The following DMRT1 variants were observed in gnomAD, a reference collection of about 807,000 sequenced individuals.
DMRT1 encodes doublesex and mab-3 related transcription factor 1.
DMRT1 carries 7 observed loss-of-function variants against 32.3 expected under a neutral mutation model. The ratio of observed to expected loss-of-function variants is 0.22; its 90% confidence interval spans 0.12 to 0.41. The LOEUF (loss-of-function observed/expected upper bound fraction) is 0.41. DMRT1 is among the 10% of genes least tolerant of loss of function. The pLI, the probability that DMRT1 is intolerant of heterozygous loss-of-function variation, is 1.00. For missense variants in DMRT1, 625 were observed against 500.5 expected (o/e 1.25, Z -2.37); for synonymous variants, 278 against 206.1 (o/e 1.35, Z -2.99).
At chr9:888,771 G>C (rs577926554) in intron 2 of DMRT1, among the ~76,000 whole-genome samples, 1 of 143,702 alleles carries the variant, frequency 7.0e-6, no homozygotes, top group Non-Finnish European at 1.5e-5. Context: ...TAGGAATAGC[G>C]TGTGGAGCAG....
chr9:863,080 T>G (rs1359635717), intron 2 of DMRT1, among the ~76,000 whole-genome samples: 1 of 143,876 alleles, frequency 7.0e-6, no homozygotes, highest in African/African-American at 2.6e-5. Context: ...TCTGGGAGGC[T>G]GAGGCTGAAG....
intron 2 of DMRT1, among the ~76,000 whole-genome samples, chr9:889,451 A>G (rs1387138928): frequency 2.0e-5 from 3 of 152,246 alleles, no homozygotes; most frequent in Non-Finnish European, 2.9e-5. Flanking sequence ...AAAGCTTGGT[A>G]TAACTTGAAA....
intron 2 of DMRT1, among the ~76,000 whole-genome samples, chr9:860,435 C>T (rs1238749986): frequency 6.6e-6 from 1 of 152,200 alleles, no homozygotes; most frequent in Non-Finnish European, 1.5e-5. Flanking sequence ...AGTTTGCTGT[C>T]TGAGCAAGAT....
At chr9:869,201 G>A (rs1221905157) in intron 2 of DMRT1, among the ~76,000 whole-genome samples, 1 of 152,096 alleles carries the variant, frequency 6.6e-6, no homozygotes, top group Non-Finnish European at 1.5e-5. Flanking sequence ...GAATTTCAAG[G>A]ATATTCTACT....
intron 4 of DMRT1, among the ~76,000 whole-genome samples, chr9:928,573 C>G (rs1008310696): frequency 1.3e-5 from 2 of 152,140 alleles, no homozygotes; most frequent in African/African-American, 4.8e-5. Flanking sequence ...AACTTGACCT[C>G]TAGGGGCAGT....
At chr9:861,970 T>C (rs1815717952) in intron 2 of DMRT1, among the ~76,000 whole-genome samples, 1 of 142,218 alleles carries the variant, frequency 7.0e-6, no homozygotes, top group Admixed American at 7.0e-5. Context: ...CGCTCCTCAC[T>C]TCCTAGACGG....
At chr9:891,951 G>A (rs914869720) in intron 2 of DMRT1, among the ~76,000 whole-genome samples, 1 of 152,220 alleles carries the variant, frequency 6.6e-6, no homozygotes, top group Non-Finnish European at 1.5e-5. Flanking sequence ...GGACACAGTG[G>A]TGTGCCCGGA....
In DMRT1 at chr9:863,149, C is replaced by CAAAA. The variant is rs55759836; in HGVS notation, c.538+16022_538+16025dup. Among the ~76,000 whole-genome samples the CAAAA allele has an allele frequency of 6.0e-4, 59 of 98,268 alleles. 3 individuals carry two copies. Among genetic ancestry groups the CAAAA allele is most frequent in the Middle Eastern group, 0.011 (2 of 184 alleles). 64.5% of individuals were successfully genotyped at this position (98,268 alleles called of 152,430 possible). On this transcript the variant is annotated intron_variant, in intron 2 of 4. Transcript: ENST00000382276. ...GGGCAACAGCGAGATCAGGTCTCTA[C>CAAAA]AAAAAAAAAAAAAAAAAAATTAGCC...
intron 2 of DMRT1, among the ~76,000 whole-genome samples, chr9:870,020 C>T (rs773153500): frequency 3.6e-4 from 55 of 152,206 alleles, no homozygotes; most frequent in Non-Finnish European, 5.0e-4. Flanking sequence ...TTGTATTGAA[C>T]GAATAAGTTT....
At chr9:946,938 A>G (rs1159058071) in intron 4 of DMRT1, among the ~76,000 whole-genome samples, 1 of 152,236 alleles carries the variant, frequency 6.6e-6, no homozygotes, top group African/African-American at 2.4e-5. Flanking sequence ...GACGGTGCCC[A>G]TCAAGATACC....
At chr9:926,498 C>G (rs960196320) in intron 4 of DMRT1, among the ~76,000 whole-genome samples, 1 of 152,112 alleles carries the variant, frequency 6.6e-6, no homozygotes, top group African/African-American at 2.4e-5. Context: ...GACTAAGAGG[C>G]CTGGCAGTTT....
intron 3 of DMRT1, among the ~76,000 whole-genome samples, chr9:903,077 G>T (rs1817649361): frequency 6.6e-6 from 1 of 152,146 alleles, no homozygotes; most frequent in Non-Finnish European, 1.5e-5. Context: ...GCCTTAAATG[G>T]CTTGTCAAGT....
intron 2 of DMRT1, among the ~76,000 whole-genome samples, chr9:876,188 T>G (rs1262146906): frequency 2.6e-5 from 4 of 152,052 alleles, no homozygotes; most frequent in African/African-American, 9.7e-5. Flanking sequence ...ACAACATAGT[T>G]AGGTTAGCAG....
At chr9:935,243 ATCC>A (rs1333306219) in intron 4 of DMRT1, among the ~76,000 whole-genome samples, 1 of 152,224 alleles carries the variant, frequency 6.6e-6, no homozygotes, top group Non-Finnish European at 1.5e-5. Flanking sequence ...AAGCCCCTAT[ATCC>A]TCTAGTGTCC....
intron 1 of DMRT1, among the ~76,000 whole-genome samples, chr9:843,614 T>C (rs929379234): frequency 6.6e-6 from 1 of 152,250 alleles, no homozygotes; most frequent in African/African-American, 2.4e-5. Flanking sequence ...TTTAGTATTC[T>C]AAAAGGATTT....
chr9:853,730 C>T (rs1157846619), intron 2 of DMRT1, among the ~76,000 whole-genome samples: 1 of 152,052 alleles, frequency 6.6e-6, no homozygotes, highest in African/African-American at 2.4e-5. Context: ...GTCTTGAACT[C>T]CTGACCTCAG....
At chr9:863,881 C>T (rs1171721884) in intron 2 of DMRT1, among the ~76,000 whole-genome samples, 1 of 152,180 alleles carries the variant, frequency 6.6e-6, no homozygotes, top group African/African-American at 2.4e-5. Context: ...TTGCCCATTT[C>T]TCTATTGATC....
At chr9:944,808 A>G (rs1819189119) in intron 4 of DMRT1, among the ~76,000 whole-genome samples, 1 of 152,166 alleles carries the variant, frequency 6.6e-6, no homozygotes, top group South Asian at 2.1e-4. Flanking sequence ...GTCATAAAAT[A>G]TTACTATTCT....
chr9:929,806 G>A (rs192836250), intron 4 of DMRT1, among the ~76,000 whole-genome samples: 85 of 152,234 alleles, frequency 5.6e-4, no homozygotes, highest in Non-Finnish European at 8.7e-4. Flanking sequence ...GATGTAAACT[G>A]ATGGCTCAGT....
Sources: allele counts gnomAD v4.1 joint callset (sites outside exome capture counted in the v4.1 genomes callset), GRCh38; gene constraint gnomAD v4.1.1; transcripts MANE v1.5; gene names NCBI Gene and HGNC (gene_info 2026-07-23, HGNC 2026-07-21).